Variants in BMPR2 observed in about 807,000 individuals in gnomAD.
BMPR2 encodes the protein bone morphogenetic protein receptor type 2.
A neutral mutation model predicts 100.8 loss-of-function variants in BMPR2; 29 were observed. That is an observed-to-expected ratio of 0.29 (90% CI 0.21 to 0.39). The LOEUF (loss-of-function observed/expected upper bound fraction) is 0.39, where lower values mean the gene tolerates loss of function less well. BMPR2 is among the 10% of genes least tolerant of loss of function. BMPR2 has a pLI of 1.00. For synonymous variants in BMPR2, 382 were observed against 442.3 expected, an observed-to-expected ratio of 0.86 and a Z score of 1.71; for missense variants, 1,011 against 1,274.5, an observed-to-expected ratio of 0.79 and a Z score of 3.15.
intron 7 of BMPR2, among the ~76,000 whole-genome samples, chr2:202,528,768 T>G (rs949318143): frequency 1.3e-5 from 2 of 152,240 alleles, no homozygotes; most frequent in African/African-American, 2.4e-5. Context: ...ACTGATTGTT[T>G]ACTGCTTTCC....
chr2:202,459,302 T>C (rs952857150), intron 1 of BMPR2, among the ~76,000 whole-genome samples: 1 of 152,212 alleles, frequency 6.6e-6, no homozygotes, highest in African/African-American at 2.4e-5. Context: ...GTAGAAATTA[T>C]ACATCACAAG....
chr2:202,521,872 T>C (rs1302567650), intron 7 of BMPR2, among the ~76,000 whole-genome samples: 1 of 152,094 alleles, frequency 6.6e-6, no homozygotes, highest in Non-Finnish European at 1.5e-5. Flanking sequence ...AGAAAGAACT[T>C]TGGCTGGCAT....
intron 9 of BMPR2, among the ~76,000 whole-genome samples, chr2:202,537,614 G>T (rs1197136335): frequency 6.6e-6 from 1 of 152,072 alleles, no homozygotes; most frequent in Non-Finnish European, 1.5e-5. Context: ...GTACAATAGT[G>T]TGAATGTACT....
rs1327819628 is a variant in BMPR2 at position 202,403,195 on chromosome 2, C to T, written c.76+25645C>T. 5.8e-5 allele frequency among the ~76,000 whole-genome samples: 8 copies of T among 138,494 alleles called. No homozygotes were observed. The South Asian group carries it at 1.5e-3, about 27-fold the overall frequency. The allele number at this position is 138,494 out of a possible 152,430, so 90.9% of individuals were successfully genotyped here. On this transcript the variant is annotated intron_variant, in intron 1 of 12. Transcript: ENST00000374580. ...CCTCCCCTTCCCCTCCCCTCCCCTC[C>T]CCTCCCCTCCCCTCCTCTTTTCGAG...
intron 7 of BMPR2, among the ~76,000 whole-genome samples, chr2:202,527,813 A>T (rs186081526): frequency 6.6e-4 from 100 of 152,104 alleles, no homozygotes; most frequent in East Asian, 5.2e-3. Context: ...TAATAATAAA[A>T]AAATAAATAA....
chr2:202,384,530 C>CTCTTTCTT lies in BMPR2; in HGVS notation c.76+7014_76+7021dup, dbSNP rs202188126. Among the ~76,000 whole-genome samples, 290 of 107,588 alleles carry CTCTTTCTT rather than the reference C, an allele frequency of 2.7e-3. 1 individual carries two copies. Among genetic ancestry groups the CTCTTTCTT allele is most frequent in the African/African-American group, 8.7e-3 (204 of 23,444 alleles). 70.6% of individuals were successfully genotyped at this position (107,588 alleles called of 152,430 possible). ...TTTCAGTTTCTTTCTTTCTTTCTTT[C>CTCTTTCTT]TCTTTCTTTCTTTCTTTCTTTCTTT... On this transcript the variant is annotated intron_variant, in intron 1 of 12. Coordinates refer to ENST00000374580, the MANE Select transcript of BMPR2 (RefSeq NM_001204.7).
rs747576985 is a variant in BMPR2 at position 202,532,665 on chromosome 2, A to G, written c.1209A>G (p.Gln403=). The change falls in exon 9 of 13, where the codon CAA becomes CAG. Residue 403 remains glutamine, a synonymous_variant. Coordinates refer to ENST00000374580, the MANE Select transcript of BMPR2 (RefSeq NM_001204.7). The surrounding 1 kb of genome is among the most constrained non-coding windows in gnomAD (Gnocchi z 4.1). ...GGGACTGTGAATCAGCTTTGAAACA[A>G]GTAGACATGTATGCTCTTGGACTAA... ...NLRDCESALK[Q]VDMYALGLIY... The G allele has an allele frequency of 6.2e-7, 1 of 1,613,920 alleles. No individual in the cohort carries two copies. Among genetic ancestry groups the G allele is most frequent in the South Asian group, 1.1e-5 (1 of 91,082 alleles).
chr2:202,434,513 T>C (rs1207382343), intron 1 of BMPR2, among the ~76,000 whole-genome samples: 1 of 150,518 alleles, frequency 6.6e-6, no homozygotes, highest in Non-Finnish European at 1.5e-5. Context: ...ATGACAATGC[T>C]CCTGCTCATT....
At chr2:202,502,248 T>C (rs759930905) in intron 3 of BMPR2, among the ~76,000 whole-genome samples, 3 of 151,948 alleles carry the variant, frequency 2.0e-5, no homozygotes, top group Non-Finnish European at 4.4e-5. Flanking sequence ...TTGCACACAA[T>C]GCAAAAACAC....
intron 3 of BMPR2, among the ~76,000 whole-genome samples, chr2:202,492,401 T>G (rs1372502501): frequency 6.6e-6 from 1 of 151,898 alleles, no homozygotes; most frequent in African/African-American, 2.4e-5. Flanking sequence ...GTTTAAAAAA[T>G]GGAAGTCAGG....
In BMPR2 at chr2:202,513,391, G is replaced by A. The variant is rs571552302; in HGVS notation, c.419-328G>A. Among the ~76,000 whole-genome samples, 5 of 152,252 alleles carry A rather than the reference G, an allele frequency of 3.3e-5. No homozygotes were observed. In the East Asian group the frequency reaches 9.6e-4, roughly 29 times the overall value. On this transcript the variant is annotated intron_variant, in intron 3 of 12. Transcript: ENST00000374580. Reference sequence around the variant, plus strand: ...GGAAATTGAGGATTTAAAACCAAATGTGATTCTAAAACTGTTAGATTCTAA... The same window carrying A: ...GGAAATTGAGGATTTAAAACCAAATATGATTCTAAAACTGTTAGATTCTAA...
In BMPR2 at chr2:202,377,463, G is replaced by T. The variant is rs376097435; in HGVS notation, c.-12G>T. On this transcript the variant is annotated 5_prime_UTR_variant, in exon 1 of 13. Transcript: ENST00000374580. ...CTTTTCTTTGCCCTCCTGATTCTTG[G>T]CTGGCCCAGGGATGACTTCCTCGCT... The T allele has an allele frequency of 6.2e-7, 1 of 1,614,192 alleles. No individual in the cohort carries two copies. The highest frequency in any genetic ancestry group is 2.2e-5 in the East Asian group (1 of 44,884).
At chr2:202,537,976 G>C (rs1342273136) in intron 9 of BMPR2, among the ~76,000 whole-genome samples, 1 of 151,906 alleles carries the variant, frequency 6.6e-6, no homozygotes, top group African/African-American at 2.4e-5. Context: ...ACAAAAATTA[G>C]ACAGGTGCAG....
chr2:202,389,952 T>A (rs1690513495), intron 1 of BMPR2, among the ~76,000 whole-genome samples: 1 of 151,476 alleles, frequency 6.6e-6, no homozygotes, highest in South Asian at 2.1e-4. Context: ...TTAAAAAGGG[T>A]TTTTAAACGA....
At chr2:202,408,432 T>C (rs1690946858) in intron 1 of BMPR2, among the ~76,000 whole-genome samples, 1 of 152,232 alleles carries the variant, frequency 6.6e-6, no homozygotes, top group African/African-American at 2.4e-5. Flanking sequence ...ATTTTTGCTG[T>C]TAGCTTTTCA....
intron 3 of BMPR2, among the ~76,000 whole-genome samples, chr2:202,509,553 G>A (rs922957024): frequency 9.2e-5 from 14 of 151,820 alleles, no homozygotes; most frequent in African/African-American, 3.1e-4. Flanking sequence ...AGCCTAGAAA[G>A]CTAAATCTTA....
intron 1 of BMPR2, among the ~76,000 whole-genome samples, chr2:202,462,616 A>G (rs1692243626): frequency 6.6e-6 from 1 of 151,696 alleles, no homozygotes; most frequent in Admixed American, 6.6e-5. Context: ...TATCTGGGAT[A>G]AACCACCCCG....
chr2:202,386,908 C>T (rs1574420958), intron 1 of BMPR2, among the ~76,000 whole-genome samples: 1 of 152,264 alleles, frequency 6.6e-6, no homozygotes, highest in South Asian at 2.1e-4. Context: ...TGGTCTCAAT[C>T]TCCTGACCTC....
intron 1 of BMPR2, among the ~76,000 whole-genome samples, chr2:202,429,421 C>T (rs1691459057): frequency 6.6e-6 from 1 of 152,268 alleles, no homozygotes; most frequent in South Asian, 2.1e-4. Context: ...GAACTTAACA[C>T]GTTCTTGCTA....
Sources: allele counts gnomAD v4.1 joint callset (sites outside exome capture counted in the v4.1 genomes callset), GRCh38; gene constraint gnomAD v4.1.1; non-coding constraint Gnocchi (gnomAD v3.1); transcripts MANE v1.5; gene names NCBI Gene and HGNC (gene_info 2026-07-23, HGNC 2026-07-21).